Variants in TPM1 observed in about 807,000 individuals in gnomAD.
TPM1 encodes tropomyosin alpha-1 chain.
TPM1 carries 24 observed loss-of-function variants against 42.9 expected under a neutral mutation model. The ratio of observed to expected loss-of-function variants is 0.56; its 90% confidence interval spans 0.41 to 0.79. The LOEUF is 0.79. Among genes scored for constraint, TPM1 ranks in the 30% least tolerant of loss-of-function variants. The pLI is 0.00. For synonymous variants in TPM1, 136 were observed against 130.1 expected (o/e 1.05, Z -0.31); for missense variants, 158 against 351.8 (o/e 0.45, Z 4.41).
At chr15:63,049,457 C>T (rs972468193) in intron 2 of TPM1, 4 of 152,226 alleles carry the variant, frequency 2.6e-5, no homozygotes, top group African/African-American at 9.7e-5. Flanking sequence ...AATGTAATAC[C>T]TGGCTTCCTT....
chr15:63,048,201 G>A, intron 2 of TPM1: 1 of 461,146 alleles, frequency 2.2e-6, no homozygotes, highest in Non-Finnish European at 4.3e-6. Context: ...GCGCCGCGGA[G>A]GGGCCCTAGA....
At position 63,062,205 on chromosome 15, in the gene TPM1, C is replaced by T. The variant is rs748679631; in HGVS notation, c.640-10C>T. On this transcript the variant is annotated splice_polypyrimidine_tract_variant and intron_variant, in intron 6 of 9. Coordinates refer to ENST00000403994, the MANE Select transcript of TPM1 (RefSeq NM_001018005.2). ...CAGCCTGACATCTGGAATGCTCTTT[C>T]TAATTACAGTACTCGCAGAAGGAAG... The T allele has an allele frequency of 6.2e-7, 1 of 1,613,682 alleles. No individual in the cohort carries two copies. The highest frequency in any genetic ancestry group is 1.1e-5 in the South Asian group (1 of 91,068).
chr15:63,064,723 T>C, intron 9 of TPM1: 2 of 949,328 alleles, frequency 2.1e-6, no homozygotes. Flanking sequence ...CCCAGCACTT[T>C]GGGAGGCCGA....
chr15:63,045,513 C>CCGCAAATTCTCCAGCAGGA (rs2032211417), intron 2 of TPM1: 1 of 152,154 alleles, frequency 6.6e-6, no homozygotes, highest in African/African-American at 2.4e-5. Flanking sequence ...TGCCTGCCTC[C>CCGCAAATTCTCCAGCAGGA]CGCAAATTCT....
At chr15:63,065,833 CTTT>C (rs58304847) in intron 9 of TPM1, 60 bp from the exon 10 acceptor site, 200 of 1,305,156 alleles carry the variant, frequency 1.5e-4, no homozygotes, top group South Asian at 1.9e-4. Flanking sequence ...GGTTTCCTTT[CTTT>C]TTTTTTTTTT....
chr15:63,063,909 C>G, intron 8 of TPM1, 155 bp from the exon 9 acceptor site: 1 of 1,018,380 alleles, frequency 9.8e-7, no homozygotes, highest in Non-Finnish European at 1.4e-6. Flanking sequence ...ACGCACGCCT[C>G]CTGCATTGGC....
intron 8 of TPM1, chr15:63,063,118 G>T: frequency 2.0e-6 from 2 of 979,676 alleles, no homozygotes; most frequent in Non-Finnish European, 2.4e-6. Flanking sequence ...TTTATATCCT[G>T]AAGGAGGAGG....
Position 63,042,934 on chromosome 15 carries a change from G to A in TPM1, c.105G>A (p.Arg35=), listed in dbSNP as rs1448738061. Reference sequence around the variant, plus strand: ...CCGACAAGAAGGCGGCGGAAGACAGGAGCAAGCAGGTCTGCGCCTCCCCGG... The same window carrying A: ...CCGACAAGAAGGCGGCGGAAGACAGAAGCAAGCAGGTCTGCGCCTCCCCGG... ...AEADKKAAED[R]SKQLEDELVS... The change falls in exon 1 of 10, where the codon AGG becomes AGA. Residue 35 remains arginine, a synonymous_variant. Coordinates refer to ENST00000403994, the MANE Select transcript of TPM1 (RefSeq NM_001018005.2). 6.3e-7 allele frequency: 1 copy of A among 1,599,958 alleles called. No individual in the cohort carries two copies. Among genetic ancestry groups the A allele is most frequent in the African/African-American group, 1.3e-5 (1 of 74,702 alleles).
At chr15:63,062,842 A>T (rs1396441969) in intron 8 of TPM1, 197 bp downstream of exon 8, 1 of 1,528,400 alleles carries the variant, frequency 6.5e-7, no homozygotes, top group African/African-American at 1.4e-5. Context: ...GTGACTAGTT[A>T]GCCACCAGCC....
rs147679248 is a variant in TPM1, at chr15:63,052,689, G to A, written c.241-4296G>A. On this transcript the variant is annotated intron_variant, in intron 2 of 9. Coordinates refer to ENST00000403994, the MANE Select transcript of TPM1 (RefSeq NM_001018005.2). ...ATGTGTCTATGGGCTTGTACCGGCA[G>A]AGGCAACAGCAGGTCCTTAAGACTC... 5.9e-5 allele frequency among the ~76,000 whole-genome samples: 9 copies of A among 152,030 alleles called. No individual in the cohort carries two copies. The East Asian group carries it at 1.2e-3, about 20-fold the overall frequency.
intron 1 of TPM1, 121 bp from the exon 2 acceptor site, chr15:63,043,906 T>C: frequency 6.4e-7 from 1 of 1,552,822 alleles, no homozygotes; most frequent in Non-Finnish European, 8.7e-7. Flanking sequence ...CTCCCTGTCT[T>C]TCCCTCTGTC....
downstream of TPM1, among the ~76,000 whole-genome samples, chr15:63,069,241 T>C (rs2036462136): frequency 6.6e-6 from 1 of 152,182 alleles, no homozygotes; most frequent in Non-Finnish European, 1.5e-5. Flanking sequence ...TGGATAACAC[T>C]ATCAAAGCTA....
chr15:63,059,557 T>C lies in TPM1; in HGVS notation c.375-6T>C. ...CTTGGGTTTTCTTGCTTGTCTTTCT[T>C]TTCAGAGGCATGAAAGTCATTGAGA... On this transcript the variant is annotated splice_polypyrimidine_tract_variant and splice_region_variant and intron_variant, in intron 3 of 9. Coordinates refer to ENST00000403994, the MANE Select transcript of TPM1 (RefSeq NM_001018005.2). 1 of 1,606,534 alleles carries C rather than the reference T, an allele frequency of 6.2e-7. No individual in the cohort carries two copies. The highest frequency in any genetic ancestry group is 8.5e-7 in the Non-Finnish European group (1 of 1,175,046).
At chr15:63,043,483 C>G in intron 1 of TPM1, 1 of 741,998 alleles carries the variant, frequency 1.3e-6, no homozygotes, top group Non-Finnish European at 2.3e-6. Context: ...CTTGAGCCCG[C>G]TGAGACCTCG....
chr15:63,062,424 T>C lies in TPM1; in HGVS notation c.702+147T>C, dbSNP rs1042725124. 233 of 1,235,584 alleles carry C rather than the reference T, an allele frequency of 1.9e-4. No homozygotes were observed. The Middle Eastern group carries it at 3.8e-3, about 20-fold the overall frequency. The allele number at this position is 1,235,584 out of a possible 1,614,324, so 76.5% of individuals were successfully genotyped here. ...CTTGGAGTTTATGTACTGTGCTAAC[T>C]GCCATTTCTCACAGAGGTGACTGAA... is the stretch of plus-strand genomic sequence containing the variant. On this transcript the variant is annotated intron_variant, in intron 7 of 9. Transcript: ENST00000403994.
chr15:63,043,539 G>C, intron 1 of TPM1: 5 of 1,124,014 alleles, frequency 4.4e-6, no homozygotes, highest in Non-Finnish European at 6.5e-6. Context: ...GGTGAGCCGC[G>C]GAGCGGTTCC....
At chr15:63,064,534 A>G (rs2036053698) in intron 9 of TPM1, 22 of 1,065,888 alleles carry the variant, frequency 2.1e-5, no homozygotes, top group Non-Finnish European at 2.2e-5. Context: ...TAAGTACAAC[A>G]TAATCATTTT....
chr15:63,053,689 T>TG (rs1339200679), intron 2 of TPM1, among the ~76,000 whole-genome samples: 34 of 83,454 alleles, frequency 4.1e-4, no homozygotes, highest in Admixed American at 1.8e-3. Context: ...TTTTTTTTTT[T>TG]TTTGTTTTTG....
At position 63,057,057 on chromosome 15, in the gene TPM1, C is replaced by T; in HGVS notation, c.313C>T (p.Arg105Cys). The change falls in exon 3 of 10, where the codon CGT (arginine) becomes TGT (cysteine). Residue 105 changes from arginine (R) to cysteine (C), a missense_variant. Arg to Cys is a radical substitution (Grantham distance 180). Around this residue, in one of 4 missense-constraint regions of TPM1, gnomAD observed 65 missense variants for 208.8 expected, o/e 0.31. Transcript: ENST00000403994. ...VEEELDRAQE[R>C]LATALQKLEE... ...GGAAGAGTTGGATCGTGCCCAGGAG[C>T]GTCTGGCAACAGCTTTGCAGAAGCT... 3.1e-6 allele frequency: 5 copies of T among 1,614,176 alleles called. No individual in the cohort carries two copies. The highest frequency in any genetic ancestry group is 1.1e-5 in the South Asian group (1 of 91,080).
Sources: gnomAD v4.1 joint callset for allele counts (sites outside exome capture counted in the v4.1 genomes callset) on GRCh38, gnomAD v4.1.1 for gene constraint, gnomAD v4.1.1 regional missense constraint, MANE v1.5 for transcripts, NCBI Gene and HGNC (gene_info 2026-07-23, HGNC 2026-07-21) for gene names.